IDO2: variants seen among roughly 807,000 people sequenced by gnomAD.
IDO2 encodes indoleamine 2,3-dioxygenase-like 1 protein.
IDO2 carries 46 observed loss-of-function variants against 45.1 expected under a neutral mutation model. The observed-to-expected ratio is 1.02, with a 90% confidence interval of 0.80 to 1.30. The LOEUF (loss-of-function observed/expected upper bound fraction) is 1.30. Ranked by LOEUF, IDO2 falls within the 50% of genes most tolerant of loss-of-function variation. The probability of loss-of-function intolerance (pLI) is 0.00; values close to 1 mark genes in which losing one functional copy is unlikely to be tolerated. For missense variants in IDO2, 544 were observed against 491.8 expected, an observed-to-expected ratio of 1.11 and a Z score of -1.00; for synonymous variants, 218 against 184.9, an observed-to-expected ratio of 1.18 and a Z score of -1.45.
chr8:39,946,294 C>T (rs185875194), intron 1 of IDO2, among the ~76,000 whole-genome samples: 2 of 152,330 alleles, frequency 1.3e-5, no homozygotes, highest in African/African-American at 2.4e-5. Flanking sequence ...GCTGGCCTCC[C>T]TCAGGCCACC....
At chr8:39,992,348 G>A (rs7820968) in intron 8 of IDO2, among the ~76,000 whole-genome samples, 26,315 of 152,074 alleles carry the variant, frequency 0.17, 2,662 homozygotes, top group East Asian at 0.34. Context: ...AAAGAGCCAT[G>A]TGGGTTCTCC....
chr8:39,938,286 T>TTATCTA (rs60372490), intron 1 of IDO2, among the ~76,000 whole-genome samples: 28,023 of 65,436 alleles, frequency 0.43, 2,998 homozygotes, highest in Middle Eastern at 0.58. Flanking sequence ...CTACAAAAAA[T>TTATCTA]TCTCTATCTA....
At chr8:39,983,796 G>A (rs1052535678) in intron 5 of IDO2, among the ~76,000 whole-genome samples, 1 of 152,036 alleles carries the variant, frequency 6.6e-6, no homozygotes, top group Non-Finnish European at 1.5e-5. Flanking sequence ...AACGAAGGAA[G>A]TAGAGGTTGC....
intron 2 of IDO2, among the ~76,000 whole-genome samples, chr8:39,960,264 A>G (rs531343639): frequency 6.6e-6 from 1 of 152,160 alleles, no homozygotes; most frequent in South Asian, 2.1e-4. Context: ...ACACAACTTG[A>G]TCTTCACTCC....
chr8:39,985,462 AT>A (rs756492988), intron 5 of IDO2, 45 bp from the exon 6 acceptor site: 34 of 1,503,276 alleles, frequency 2.3e-5, no homozygotes, highest in East Asian at 4.9e-5. Flanking sequence ...TTGTTCTTTT[AT>A]TTTTTTTCTC....
chr8:39,979,583 C>T (rs557467256), intron 4 of IDO2, among the ~76,000 whole-genome samples: 1 of 152,036 alleles, frequency 6.6e-6, no homozygotes, highest in East Asian at 2.0e-4. Context: ...GAACTCTTGA[C>T]CTCAGGTAAT....
At chr8:39,996,669 G>T (rs1192275597) in intron 8 of IDO2, among the ~76,000 whole-genome samples, 1 of 152,076 alleles carries the variant, frequency 6.6e-6, no homozygotes, top group African/African-American at 2.4e-5. Context: ...CTGTAGGGCT[G>T]GCCCCTACAG....
At chr8:39,966,642 C>T (rs150531778) in intron 3 of IDO2, among the ~76,000 whole-genome samples, 1 of 152,158 alleles carries the variant, frequency 6.6e-6, no homozygotes, top group African/African-American at 2.4e-5. Flanking sequence ...CTCAACATAC[C>T]TATCTGTATC....
chr8:39,935,105 A>G lies in IDO2; in HGVS notation c.-131A>G, dbSNP rs957181223. ...TTAGATTTGACATTAGAAATGTACC[A>G]TAATACAGAAGGCAATGGACACCTA... On this transcript the variant is annotated 5_prime_UTR_variant, in exon 1 of 11. Coordinates refer to ENST00000502986, the Ensembl canonical transcript of IDO2. 5.7e-6 allele frequency: 6 copies of G among 1,055,772 alleles called. No individual in the cohort carries two copies. In the East Asian group the frequency reaches 1.2e-4, roughly 21 times the overall value. The allele number at this position is 1,055,772 out of a possible 1,614,324, so 65.4% of individuals were successfully genotyped here.
intron 3 of IDO2, among the ~76,000 whole-genome samples, chr8:39,975,623 G>T (rs1291670996): frequency 6.6e-6 from 1 of 152,076 alleles, no homozygotes; most frequent in Non-Finnish European, 1.5e-5. Flanking sequence ...TTAAAGTCTG[G>T]CATGAACAGG....
At chr8:39,942,576 G>A (rs1173480191) in intron 1 of IDO2, among the ~76,000 whole-genome samples, 2 of 152,096 alleles carry the variant, frequency 1.3e-5, no homozygotes, top group East Asian at 3.9e-4. Context: ...GGAGGTAGAG[G>A]TTTCAGTGAG....
chr8:39,965,105 C>T (rs1417281443), intron 3 of IDO2, among the ~76,000 whole-genome samples: 1 of 152,246 alleles, frequency 6.6e-6, no homozygotes, highest in African/African-American at 2.4e-5. Flanking sequence ...TAAATTGGGG[C>T]TCCTCTTAGC....
intron 3 of IDO2, among the ~76,000 whole-genome samples, chr8:39,975,116 CA>C (rs528336557): frequency 6.4e-5 from 9 of 139,674 alleles, no homozygotes; most frequent in South Asian, 2.3e-4. Flanking sequence ...GACTCCGTCT[CA>C]AAAAAAAAAT....
intron 8 of IDO2, among the ~76,000 whole-genome samples, chr8:40,004,297 C>A (rs1440346747): frequency 6.6e-6 from 1 of 151,800 alleles, no homozygotes; most frequent in African/African-American, 2.4e-5. Context: ...AATTAGGGAG[C>A]AGGAAGAAGA....
At chr8:39,955,258 T>C (rs1302691893) in intron 2 of IDO2, among the ~76,000 whole-genome samples, 2 of 145,674 alleles carry the variant, frequency 1.4e-5, no homozygotes, top group South Asian at 4.5e-4. Context: ...TGCCTTTTTT[T>C]TTTTTTTTTT....
chr8:40,001,568 T>C (rs1563440292), intron 8 of IDO2, among the ~76,000 whole-genome samples: 1 of 151,982 alleles, frequency 6.6e-6, no homozygotes, highest in Non-Finnish European at 1.5e-5. Flanking sequence ...ATTTTTATAC[T>C]AATTAGGCTT....
chr8:40,005,441 G>A (rs1378780763), intron 9 of IDO2, 63 bp downstream of exon 9: 1 of 1,079,508 alleles, frequency 9.3e-7, no homozygotes, highest in Non-Finnish European at 1.3e-6. Flanking sequence ...ATGTATAAGG[G>A]GACGAAGAGA....
intron 4 of IDO2, among the ~76,000 whole-genome samples, chr8:39,981,631 C>T (rs959700329): frequency 6.6e-6 from 1 of 152,144 alleles, no homozygotes; most frequent in African/African-American, 2.4e-5. Flanking sequence ...AAGTACCTGG[C>T]TCTCCAATGC....
chr8:39,981,418 G>A (rs560092403), intron 4 of IDO2, among the ~76,000 whole-genome samples: 65 of 152,066 alleles, frequency 4.3e-4, no homozygotes, highest in African/African-American at 1.4e-3. Context: ...CGTCCCAGTG[G>A]GTCCTCTTTA....
Sources: gnomAD v4.1 joint callset for allele counts (sites outside exome capture counted in the v4.1 genomes callset) on GRCh38, gnomAD v4.1.1 for gene constraint, MANE v1.5 for transcripts, NCBI Gene and HGNC (gene_info 2026-07-23, HGNC 2026-07-21) for gene names.